The following BLK variants were observed in gnomAD, a reference collection of about 807,000 sequenced individuals.
BLK encodes BLK proto-oncogene, Src family tyrosine kinase.
Under a neutral mutation model 61.8 loss-of-function variants are expected in BLK, and 64 were observed. The observed-to-expected ratio is 1.03, with a 90% CI of 0.85 to 1.27. The LOEUF (loss-of-function observed/expected upper bound fraction) is 1.27. Among genes scored for constraint, BLK ranks in the 50% most tolerant of loss-of-function variants. BLK has a pLI of 0.00. For synonymous variants in BLK, 351 were observed against 272.0 expected (o/e 1.29, Z -2.86); for missense variants, 853 against 660.5 (o/e 1.29, Z -3.19).
rs1180108112 is a variant in BLK, at chr8:11,559,384, CACACACAGACAGACACACACACAG to C, written c.1029+1357_1029+1380del. On this transcript the variant is annotated intron_variant, in intron 10 of 12. Coordinates refer to ENST00000259089, the MANE Select transcript of BLK (RefSeq NM_001715.3). ...ACAGACTCACACAGACACGCAAACT[CACACACAGACAGACACACACACAG>C]ACACACAGACTCACACACACAAACT... Among the ~76,000 whole-genome samples, 5 of 114,664 alleles carry C rather than the reference CACACACAGACAGACACACACACAG, an allele frequency of 4.4e-5. No homozygotes were observed. The East Asian group carries it at 7.8e-4, about 18-fold the overall frequency. 75.2% of individuals were successfully genotyped at this position (114,664 alleles called of 152,430 possible). A position where few individuals can be genotyped will look rare whatever the true frequency, so the allele number is the denominator to read the frequency against.
intron 1 of BLK, among the ~76,000 whole-genome samples, chr8:11,522,603 A>C (rs914611827): frequency 6.6e-6 from 1 of 152,118 alleles, no homozygotes; most frequent in East Asian, 1.9e-4. Flanking sequence ...GCATTTCATC[A>C]TTTTGAAACA....
intron 1 of BLK, among the ~76,000 whole-genome samples, chr8:11,496,877 G>T (rs950821393): frequency 6.6e-6 from 1 of 152,124 alleles, no homozygotes; most frequent in African/African-American, 2.4e-5. Context: ...TGTAGAGAGG[G>T]GACTCAAAGG....
At chr8:11,539,558 C>A (rs1012908516) in intron 1 of BLK, among the ~76,000 whole-genome samples, 1 of 152,112 alleles carries the variant, frequency 6.6e-6, no homozygotes, top group South Asian at 2.1e-4. Context: ...CAGAGTGGGA[C>A]TGAAAATCAA....
At chr8:11,554,707 CCTTA>C (rs1801105683) in intron 6 of BLK, 32 bp from the exon 7 acceptor site, 1 of 1,609,084 alleles carries the variant, frequency 6.2e-7, no homozygotes, top group African/African-American at 1.3e-5. Flanking sequence ...TGTCTTTGTG[CCTTA>C]CTTCTCGTGT....
chr8:11,524,596 C>G (rs1039946094), intron 1 of BLK, among the ~76,000 whole-genome samples: 1 of 152,154 alleles, frequency 6.6e-6, no homozygotes, highest in Admixed American at 6.5e-5. Flanking sequence ...TATGTATGCT[C>G]TTGAGCGTGG....
intron 1 of BLK, among the ~76,000 whole-genome samples, chr8:11,537,590 G>A (rs985026402): frequency 6.6e-6 from 1 of 152,180 alleles, no homozygotes; most frequent in African/African-American, 2.4e-5. Context: ...TGTGCAGAGG[G>A]CTCAAGCAGC....
chr8:11,529,013 T>A (rs1169298362), intron 1 of BLK, among the ~76,000 whole-genome samples: 1 of 152,142 alleles, frequency 6.6e-6, no homozygotes, highest in Non-Finnish European at 1.5e-5. Context: ...ACTTAGGTGA[T>A]GGGTTGATAG....
chr8:11,515,388 G>A (rs1585339264), intron 1 of BLK, among the ~76,000 whole-genome samples: 2 of 152,302 alleles, frequency 1.3e-5, no homozygotes, highest in East Asian at 1.9e-4. Context: ...GGAGCTGAGA[G>A]GTAGTGCCAG....
chr8:11,501,182 C>T (rs1484422409), intron 1 of BLK, among the ~76,000 whole-genome samples: 5 of 151,890 alleles, frequency 3.3e-5, no homozygotes, highest in South Asian at 4.2e-4. Flanking sequence ...CCAGCTTGGA[C>T]GACAGAGTGA....
At chr8:11,524,311 A>G (rs1051594316) in intron 1 of BLK, among the ~76,000 whole-genome samples, 19 of 152,318 alleles carry the variant, frequency 1.2e-4, no homozygotes, top group African/African-American at 4.6e-4. Context: ...CATACACTGA[A>G]CATTCACAAC....
chr8:11,542,083 A>C (rs915241175), intron 1 of BLK, among the ~76,000 whole-genome samples: 1 of 152,170 alleles, frequency 6.6e-6, no homozygotes, highest in African/African-American at 2.4e-5. Context: ...GGGTTTGAGG[A>C]GCAATGACAT....
chr8:11,501,269 G>A (rs1232118059), intron 1 of BLK, among the ~76,000 whole-genome samples: 1 of 151,762 alleles, frequency 6.6e-6, no homozygotes, highest in African/African-American at 2.4e-5. Context: ...CCTTTAAAAA[G>A]TATTACACAC....
chr8:11,546,427 G>A (rs564677105), intron 3 of BLK, among the ~76,000 whole-genome samples: 166 of 152,276 alleles, frequency 1.1e-3, no homozygotes, highest in African/African-American at 3.8e-3. Context: ...ACTCTCAAAC[G>A]CAAAGGGCTG....
At chr8:11,549,530 A>C (rs78993441) in intron 5 of BLK, among the ~76,000 whole-genome samples, 4,963 of 152,216 alleles carry the variant, frequency 0.033, 150 homozygotes, top group African/African-American at 0.077. Flanking sequence ...TAATACTCCC[A>C]ATCTTCTAAT....
intron 6 of BLK, among the ~76,000 whole-genome samples, chr8:11,551,188 CTA>C (rs1800884633): frequency 6.6e-6 from 1 of 152,160 alleles, no homozygotes; most frequent in Non-Finnish European, 1.5e-5. Context: ...TTGTGGGATT[CTA>C]TGTTAGTTTC....
intron 10 of BLK, chr8:11,561,003 G>C (rs1053078220): frequency 6.8e-6 from 4 of 588,200 alleles, no homozygotes; most frequent in African/African-American, 5.5e-5. Flanking sequence ...TCTCCTGCCT[G>C]TGTTCTTCTA....
intron 1 of BLK, among the ~76,000 whole-genome samples, chr8:11,540,416 CG>C (rs1307782016): frequency 2.6e-5 from 4 of 152,016 alleles, no homozygotes; most frequent in African/African-American, 9.7e-5. Flanking sequence ...CAATTTCATG[CG>C]GTTTTGATTA....
intron 6 of BLK, among the ~76,000 whole-genome samples, chr8:11,551,305 C>T (rs557486798): frequency 2.0e-5 from 3 of 152,254 alleles, no homozygotes; most frequent in African/African-American, 4.8e-5. Flanking sequence ...GTGTCAGCAG[C>T]GTTGGCTCCT....
intron 1 of BLK, among the ~76,000 whole-genome samples, chr8:11,539,234 A>C (rs948333856): frequency 6.6e-6 from 1 of 152,094 alleles, no homozygotes; most frequent in Non-Finnish European, 1.5e-5. Flanking sequence ...GTTTCTTTTC[A>C]TTTGGTGTTT....
Sources: gnomAD v4.1 joint callset for allele counts (sites outside exome capture counted in the v4.1 genomes callset) on GRCh38, gnomAD v4.1.1 for gene constraint, MANE v1.5 for transcripts, NCBI Gene and HGNC (gene_info 2026-07-23, HGNC 2026-07-21) for gene names.